Variants in DSCAML1 observed in about 807,000 individuals in gnomAD.
DSCAML1 encodes the protein cell adhesion molecule DSCAML1.
In DSCAML1, 38 loss-of-function variants were observed where a neutral mutation model predicts 200.5. The ratio of observed to expected loss-of-function variants is 0.19; its 90% CI spans 0.15 to 0.25. DSCAML1 has a LOEUF of 0.25. Ranked by LOEUF, DSCAML1 falls within the 10% of genes least tolerant of loss-of-function variation. DSCAML1 has a pLI of 1.00. For synonymous variants in DSCAML1, 1,215 were observed against 1,165.0 expected (o/e 1.04, Z -0.87); for missense variants, 2,223 against 2,858.8 (o/e 0.78, Z 5.07).
intron 3 of DSCAML1, among the ~76,000 whole-genome samples, chr11:117,656,505 A>ATCTG (rs930848699): frequency 1.5e-5 from 2 of 136,756 alleles, no homozygotes; most frequent in Non-Finnish European, 3.2e-5. Flanking sequence ...TCATCTATCT[A>ATCTG]TCTATCTATC....
rs66966642 is a variant in DSCAML1, at chr11:117,650,667, C to CTGTGTGTGTGTG, written c.512-118157_512-118146dup. On this transcript the variant is annotated intron_variant, in intron 3 of 32. Coordinates refer to ENST00000651296, the MANE Select transcript of DSCAML1 (RefSeq NM_020693.4). ...TTCTGTTTAAAGTGTGTGTGTCTAT[C>CTGTGTGTGTGTG]TGTGTGTGTGTGTGTGTGTGTGTGT... Among the ~76,000 whole-genome samples the CTGTGTGTGTGTG allele has an allele frequency of 3.4e-3, 489 of 143,514 alleles. 4 individuals are homozygous for CTGTGTGTGTGTG. Among genetic ancestry groups the CTGTGTGTGTGTG allele is most frequent in the African/African-American group, 0.011 (431 of 38,564 alleles). 94.2% of individuals were successfully genotyped at this position (143,514 alleles called of 152,430 possible).
chr11:117,456,926 C>T (rs1005903730), intron 19 of DSCAML1, among the ~76,000 whole-genome samples: 3 of 152,112 alleles, frequency 2.0e-5, no homozygotes, highest in Non-Finnish European at 2.9e-5. Context: ...CCACCCACCT[C>T]GGCATCCCAA....
intron 3 of DSCAML1, among the ~76,000 whole-genome samples, chr11:117,582,331 G>A (rs2137463020): frequency 6.6e-6 from 1 of 152,276 alleles, no homozygotes; most frequent in East Asian, 1.9e-4. Context: ...GGGGAAGGCA[G>A]GCTTGGATAC....
At chr11:117,615,508 T>A (rs2051793966) in intron 3 of DSCAML1, among the ~76,000 whole-genome samples, 1 of 151,700 alleles carries the variant, frequency 6.6e-6, no homozygotes, top group African/African-American at 2.4e-5. Context: ...AGGGAGGGAG[T>A]CCCACTGACC....
chr11:117,667,497 G>A (rs1387587095), intron 3 of DSCAML1, among the ~76,000 whole-genome samples: 2 of 152,152 alleles, frequency 1.3e-5, no homozygotes. Context: ...GCTTGCCAGG[G>A]TGGCCGGGGC....
intron 8 of DSCAML1, among the ~76,000 whole-genome samples, chr11:117,514,527 A>C (rs1226069324): frequency 6.9e-6 from 1 of 145,020 alleles, no homozygotes; most frequent in Non-Finnish European, 1.5e-5. Context: ...CCTGGGAAAG[A>C]TTCTGACACC....
At position 117,437,324 on chromosome 11, in the gene DSCAML1, C is replaced by A. The variant is rs1263894254; in HGVS notation, c.4518G>T (p.Gly1506=). 1.2e-6 allele frequency: 2 copies of A among 1,614,130 alleles called. No individual in the cohort carries two copies. Among genetic ancestry groups the A allele is most frequent in the African/African-American group, 2.7e-5 (2 of 74,938 alleles). Residue 1506 remains glycine (G), a synonymous_variant, in exon 26 of 33, where the codon GGG becomes GGT. Coordinates refer to ENST00000651296, the MANE Select transcript of DSCAML1 (RefSeq NM_020693.4). This position sits in a 1 kb window ranked among gnomAD's most constrained non-coding sequence, Gnocchi z 5.3. ...ARLNLQGWNN[G]GCPITAIVLE... ...GAACGATGGCTGTGATAGGGCAGCC[C>A]CCATTGTTCCAGCCCTGCAGGTTAA... is the stretch of plus-strand genomic sequence containing the variant.
chr11:117,814,594 A>G (rs1707644740), intron 1 of DSCAML1, among the ~76,000 whole-genome samples: 1 of 152,236 alleles, frequency 6.6e-6, no homozygotes, highest in African/African-American at 2.4e-5. Flanking sequence ...TGGAGGGTGC[A>G]CTAAGTGCCC....
At chr11:117,532,241 C>A in intron 4 of DSCAML1, 135 bp downstream of exon 4, 1 of 824,396 alleles carries the variant, frequency 1.2e-6, no homozygotes, top group Non-Finnish European at 1.8e-6. Flanking sequence ...TACCTGATTT[C>A]TTTAATCTCT....
At chr11:117,429,784 G>A (rs1235590064) in intron 32 of DSCAML1, among the ~76,000 whole-genome samples, 1 of 152,214 alleles carries the variant, frequency 6.6e-6, no homozygotes, top group East Asian at 1.9e-4. Context: ...CTTCCCCCGG[G>A]GAGCTGGGCC....
At chr11:117,555,384 C>T (rs146592482) in intron 3 of DSCAML1, among the ~76,000 whole-genome samples, 10 of 152,206 alleles carry the variant, frequency 6.6e-5, no homozygotes, top group African/African-American at 2.2e-4. Flanking sequence ...TCAGGATCTG[C>T]GGAGGTGGAT....
intron 1 of DSCAML1, among the ~76,000 whole-genome samples, chr11:117,795,285 C>T (rs1286175938): frequency 2.0e-5 from 3 of 152,160 alleles, no homozygotes; most frequent in East Asian, 1.9e-4. Flanking sequence ...TGTGCTTTCT[C>T]GCCTGACAAA....
At chr11:117,687,480 G>T (rs543033192) in intron 3 of DSCAML1, among the ~76,000 whole-genome samples, 2 of 137,410 alleles carry the variant, frequency 1.5e-5, no homozygotes, top group South Asian at 2.3e-4. Context: ...TGCCCAGGCT[G>T]GTCTCAAACT....
Position 117,491,667 on chromosome 11 carries a change from G to A in DSCAML1, c.2360-9505C>T, listed in dbSNP as rs144424914. Among the ~76,000 whole-genome samples, 122 of 152,252 alleles carry A rather than the reference G, an allele frequency of 8.0e-4. No homozygotes were observed. In the East Asian group the frequency reaches 0.013, roughly 16 times the overall value. ...CGTGTGCCTGGAATCCCAGCTCCTC[G>A]GGAGGCTGAGGTGGGAGGATTGCTT... On this transcript the variant is annotated intron_variant, in intron 11 of 32. Coordinates refer to ENST00000651296, the MANE Select transcript of DSCAML1 (RefSeq NM_020693.4).
intron 1 of DSCAML1, among the ~76,000 whole-genome samples, chr11:117,816,908 G>A (rs2055814988): frequency 6.6e-6 from 1 of 152,212 alleles, no homozygotes; most frequent in African/African-American, 2.4e-5. Flanking sequence ...GTAGGAGCTA[G>A]CGATCGGCCT....
chr11:117,723,102 C>T (rs940303652), intron 3 of DSCAML1, among the ~76,000 whole-genome samples: 9 of 152,264 alleles, frequency 5.9e-5, no homozygotes, highest in South Asian at 4.2e-4. Context: ...AATGCCAACA[C>T]GTGATGTGTT....
rs747636071 is a variant in DSCAML1, at chr11:117,437,459, AGGACT to A, written c.4433-55_4433-51del. 1.3e-5 allele frequency: 20 copies of A among 1,577,230 alleles called. No individual in the cohort carries two copies. The highest frequency in any genetic ancestry group is 2.4e-5 in the South Asian group (2 of 85,076). ...AGGTTAGAGAGATTTGGTGGGAGGC[AGGACT>A]GGACTGGGCTGGGCTGGAAAGGATT... On this transcript the variant is annotated intron_variant, in intron 25 of 32. Transcript: ENST00000651296. This position sits in a 1 kb window ranked among gnomAD's most constrained non-coding sequence, Gnocchi z 5.3.
chr11:117,809,444 A>T (rs1439883707), intron 1 of DSCAML1, among the ~76,000 whole-genome samples: 1 of 152,236 alleles, frequency 6.6e-6, no homozygotes, highest in African/African-American at 2.4e-5. Context: ...CGCGGAAGGA[A>T]GCTCCAGGCC....
chr11:117,490,589 T>A (rs1021399955), intron 11 of DSCAML1, among the ~76,000 whole-genome samples: 10 of 152,202 alleles, frequency 6.6e-5, no homozygotes, highest in African/African-American at 2.4e-4. Context: ...CAGTGCTGCA[T>A]CCTTTGCCTC....
Sources: allele counts gnomAD v4.1 joint callset (sites outside exome capture counted in the v4.1 genomes callset), GRCh38; gene constraint gnomAD v4.1.1; non-coding constraint Gnocchi (gnomAD v3.1); transcripts MANE v1.5; gene names NCBI Gene and HGNC (gene_info 2026-07-23, HGNC 2026-07-21).